RALGAPA2: variants seen among roughly 807,000 people sequenced by gnomAD.
RALGAPA2 encodes Ral GTPase activating protein catalytic subunit alpha 2.
RALGAPA2 carries 139 observed loss-of-function variants against 230.4 expected under a neutral mutation model. That is an observed-to-expected ratio of 0.60 (90% confidence interval 0.53 to 0.69). The LOEUF is 0.69. Among genes scored for constraint, RALGAPA2 ranks in the 30% least tolerant of loss-of-function variants. RALGAPA2 has a pLI of 0.00. For missense variants in RALGAPA2, 2,163 were observed against 2,276.0 expected, an observed-to-expected ratio of 0.95 and a Z score of 1.01; for synonymous variants, 847 against 837.8, an observed-to-expected ratio of 1.01 and a Z score of -0.19.
chr20:20,432,794 G>C (rs957330911), intron 37 of RALGAPA2, among the ~76,000 whole-genome samples: 4 of 151,690 alleles, frequency 2.6e-5, no homozygotes, highest in African/African-American at 9.7e-5. Flanking sequence ...TTTAAAACTA[G>C]CCCGCTTCCT....
rs1242652362 is a variant in RALGAPA2 at position 20,637,223 on chromosome 20, T to TTA, written c.805+138_805+139dup. The TTA allele has an allele frequency of 2.6e-5, 18 of 694,274 alleles. No individual in the cohort carries two copies. In the African/African-American group the frequency reaches 2.8e-4, roughly 11 times the overall value. The allele number at this position is 694,274 out of a possible 1,614,324, so 43.0% of individuals were successfully genotyped here. Reference sequence around the variant, plus strand: ...AATTAAAATCACTTATTAAGAAACTTTAAACATTTAATAATAAAGTTACCA... The same window carrying TTA: ...AATTAAAATCACTTATTAAGAAACTTTATAAACATTTAATAATAAAGTTACCA... On this transcript the variant is annotated intron_variant, in intron 8 of 39. Transcript: ENST00000202677.
intron 39 of RALGAPA2, among the ~76,000 whole-genome samples, chr20:20,396,222 G>C (rs1017033635): frequency 2.6e-5 from 4 of 152,188 alleles, no homozygotes; most frequent in African/African-American, 9.7e-5. Context: ...TTCCCCAGCT[G>C]TTCCATTCAG....
At chr20:20,493,484 A>G (rs1052314604) in intron 36 of RALGAPA2, among the ~76,000 whole-genome samples, 7 of 152,246 alleles carry the variant, frequency 4.6e-5, no homozygotes, top group African/African-American at 2.4e-5. Context: ...TTCATGCATT[A>G]TAAGTGTACT....
At chr20:20,599,640 C>A (rs1182392280) in intron 16 of RALGAPA2, among the ~76,000 whole-genome samples, 1 of 152,088 alleles carries the variant, frequency 6.6e-6, no homozygotes, top group Non-Finnish European at 1.5e-5. Flanking sequence ...TTTGCAAAAA[C>A]CGGAACAAAC....
At chr20:20,630,468 A>G (rs1312620030) in intron 9 of RALGAPA2, among the ~76,000 whole-genome samples, 1 of 152,212 alleles carries the variant, frequency 6.6e-6, no homozygotes, top group African/African-American at 2.4e-5. Flanking sequence ...CAGATATCCA[A>G]TAGTAATCTC....
chr20:20,582,515 C>T (rs2065017708), intron 20 of RALGAPA2, among the ~76,000 whole-genome samples: 1 of 151,844 alleles, frequency 6.6e-6, no homozygotes, highest in Non-Finnish European at 1.5e-5. Context: ...TGATATATTG[C>T]TTGACACACA....
intron 24 of RALGAPA2, among the ~76,000 whole-genome samples, chr20:20,539,065 A>G (rs748001911): frequency 6.6e-6 from 1 of 152,204 alleles, no homozygotes; most frequent in Non-Finnish European, 1.5e-5. Flanking sequence ...TCTTATGTAC[A>G]CACTATAATT....
intron 36 of RALGAPA2, among the ~76,000 whole-genome samples, chr20:20,484,583 G>A (rs2061860090): frequency 6.6e-6 from 1 of 152,144 alleles, no homozygotes; most frequent in African/African-American, 2.4e-5. Context: ...GCATCTCCAT[G>A]AATATATTTT....
intron 15 of RALGAPA2, among the ~76,000 whole-genome samples, chr20:20,602,901 T>C (rs1477772699): frequency 2.0e-5 from 3 of 151,994 alleles, no homozygotes; most frequent in Non-Finnish European, 4.4e-5. Context: ...AGGTAGGTCC[T>C]TATCTCCTAT....
chr20:20,643,838 T>C (rs2067120542), intron 4 of RALGAPA2, among the ~76,000 whole-genome samples: 2 of 152,172 alleles, frequency 1.3e-5, no homozygotes, highest in South Asian at 4.1e-4. Flanking sequence ...ATGCATAAAA[T>C]GGATGCTTTT....
chr20:20,405,877 G>C (rs1030524081), intron 38 of RALGAPA2, among the ~76,000 whole-genome samples: 2 of 152,156 alleles, frequency 1.3e-5, no homozygotes, highest in Non-Finnish European at 2.9e-5. Flanking sequence ...CTGTGGTCTA[G>C]AGACACACCT....
At chr20:20,612,008 A>G (rs1333041933) in intron 13 of RALGAPA2, among the ~76,000 whole-genome samples, 2 of 152,190 alleles carry the variant, frequency 1.3e-5, no homozygotes, top group Non-Finnish European at 2.9e-5. Flanking sequence ...ACAGGGCACA[A>G]CTGAGACAAA....
chr20:20,400,897 G>A (rs2059819754), intron 38 of RALGAPA2, among the ~76,000 whole-genome samples: 1 of 152,212 alleles, frequency 6.6e-6, no homozygotes, highest in Non-Finnish European at 1.5e-5. Flanking sequence ...GGCACCTTGA[G>A]AATATGCTAA....
intron 37 of RALGAPA2, among the ~76,000 whole-genome samples, chr20:20,412,823 A>G (rs1180818975): frequency 1.3e-5 from 2 of 152,204 alleles, no homozygotes; most frequent in Non-Finnish European, 2.9e-5. Context: ...AAAACCAGTC[A>G]CCAATAAAAC....
Position 20,511,335 on chromosome 20 carries a change from A to G in RALGAPA2, c.4857-10T>C. 1 of 1,542,234 alleles carries G rather than the reference A, an allele frequency of 6.5e-7. No homozygotes were observed. Among genetic ancestry groups the G allele is most frequent in the South Asian group, 1.2e-5 (1 of 80,640 alleles). Reference sequence around the variant, plus strand: ...TAGATGAAAATTCTTCCTATAAAGAAAAAAGGATGGAAGAAAAACCATGTG... The same window carrying G: ...TAGATGAAAATTCTTCCTATAAAGAGAAAAGGATGGAAGAAAAACCATGTG... On this transcript the variant is annotated splice_polypyrimidine_tract_variant and intron_variant, in intron 32 of 39. Transcript: ENST00000202677.
chr20:20,536,212 C>T (rs960788333), intron 25 of RALGAPA2, among the ~76,000 whole-genome samples: 1 of 152,174 alleles, frequency 6.6e-6, no homozygotes, highest in East Asian at 1.9e-4. Context: ...GAGGAGAGAA[C>T]AAATGCTTAC....
rs1401505766 is a variant in RALGAPA2 at position 20,524,437 on chromosome 20, G to A, written c.3869C>T (p.Ala1290Val). 6.2e-7 allele frequency: 1 copy of A among 1,613,854 alleles called. No individual in the cohort carries two copies. Among genetic ancestry groups the A allele is most frequent in the East Asian group, 2.2e-5 (1 of 44,860 alleles). Residue 1290 changes from alanine to valine, a missense_variant, in exon 30 of 40, where the codon GCC (alanine) becomes GTC (valine). Transcript: ENST00000202677. ...GATATAATCCAGCAAGGGGGCTCTGGCCGAATGCTGCTCCTCTAGGACTGC... is the reference window on the plus strand; with the variant it reads ...GATATAATCCAGCAAGGGGGCTCTGACCGAATGCTGCTCCTCTAGGACTGC... ...STAVLEEQHS[A>V]RAPLLDYIYR... is the part of the protein sequence containing the mutation.
chr20:20,651,201 A>G (rs2067384038), intron 4 of RALGAPA2, among the ~76,000 whole-genome samples: 1 of 152,206 alleles, frequency 6.6e-6, no homozygotes, highest in Non-Finnish European at 1.5e-5. Flanking sequence ...TAAAATCTGA[A>G]AATGCCTGAT....
chr20:20,478,755 C>G (rs933597866), intron 36 of RALGAPA2, among the ~76,000 whole-genome samples: 1 of 151,900 alleles, frequency 6.6e-6, no homozygotes, highest in Non-Finnish European at 1.5e-5. Flanking sequence ...GTAGTTAGTA[C>G]TAAGCTCAGT....
Sources: gnomAD v4.1 joint callset for allele counts (sites outside exome capture counted in the v4.1 genomes callset) on GRCh38, gnomAD v4.1.1 for gene constraint, MANE v1.5 for transcripts, NCBI Gene and HGNC (gene_info 2026-07-23, HGNC 2026-07-21) for gene names.